The following MED12L variants were observed in gnomAD, a reference collection of about 807,000 sequenced individuals.
MED12L encodes the protein mediator complex subunit 12L, also known as mediator of RNA polymerase II transcription subunit 12-like protein.
A neutral mutation model predicts 281.3 loss-of-function variants in MED12L; 60 were observed. The observed-to-expected ratio is 0.21, with a 90% CI of 0.17 to 0.26. The LOEUF (loss-of-function observed/expected upper bound fraction) is 0.26, where lower values mean the gene tolerates loss of function less well. MED12L is among the 10% of genes least tolerant of loss of function. MED12L has a pLI of 1.00. For missense variants in MED12L, 2,146 were observed against 2,680.9 expected (o/e 0.80, Z 4.41); for synonymous variants, 974 against 987.2 (o/e 0.99, Z 0.25).
At chr3:151,202,717 G>T (rs1725805506) in intron 16 of MED12L, among the ~76,000 whole-genome samples, 1 of 152,074 alleles carries the variant, frequency 6.6e-6, no homozygotes, top group Non-Finnish European at 1.5e-5. Context: ...ATTTTCTATG[G>T]GAATCACAGT....
chr3:151,129,993 G>A (rs1201100318), intron 5 of MED12L, among the ~76,000 whole-genome samples: 2 of 151,900 alleles, frequency 1.3e-5, no homozygotes, highest in Non-Finnish European at 2.9e-5. Flanking sequence ...TTTTTGGAAT[G>A]CCTGGGCTCA....
chr3:151,133,657 T>C (rs1458177542), intron 5 of MED12L, among the ~76,000 whole-genome samples: 3 of 151,972 alleles, frequency 2.0e-5, no homozygotes, highest in Admixed American at 2.0e-4. Context: ...CATGAAATAG[T>C]TGATGTTGCT....
At chr3:151,428,992 T>C (rs1577632600) in intron 43 of MED12L, among the ~76,000 whole-genome samples, 1 of 152,018 alleles carries the variant, frequency 6.6e-6, no homozygotes. Context: ...GAGGAGGAAA[T>C]AGATGTTGCA....
Position 151,168,869 on chromosome 3 carries a change from C to G in MED12L, c.1494+2887C>G, listed in dbSNP as rs537314005. Reference sequence around the variant, plus strand: ...TATAGGTACATACTACTGTGTCCAGCTAATTTTTCTATTTGTAGTCAGGCT... The same window carrying G: ...TATAGGTACATACTACTGTGTCCAGGTAATTTTTCTATTTGTAGTCAGGCT... On this transcript the variant is annotated intron_variant, in intron 11 of 44. Coordinates refer to ENST00000687756, the MANE Select transcript of MED12L (RefSeq NM_001393769.1). Among the ~76,000 whole-genome samples the G allele has an allele frequency of 6.8e-4, 103 of 152,160 alleles. 1 individual carries two copies. The South Asian group carries it at 0.014, about 21-fold the overall frequency.
chr3:151,231,135 T>G (rs530488905), intron 16 of MED12L, among the ~76,000 whole-genome samples: 6 of 152,266 alleles, frequency 3.9e-5, no homozygotes, highest in Non-Finnish European at 5.9e-5. Flanking sequence ...TATGGTGATA[T>G]TAAAAGTACA....
chr3:151,142,344 G>A (rs1394942742), intron 5 of MED12L, among the ~76,000 whole-genome samples: 1 of 152,212 alleles, frequency 6.6e-6, no homozygotes, highest in Non-Finnish European at 1.5e-5. Flanking sequence ...AAAGCTCAAT[G>A]TTTAATGAGT....
chr3:151,290,230 T>C (rs1744063956), intron 16 of MED12L, among the ~76,000 whole-genome samples: 1 of 152,204 alleles, frequency 6.6e-6, no homozygotes, highest in African/African-American at 2.4e-5. Context: ...TTTACTTTTA[T>C]TAAAAATGTT....
chr3:151,375,104 G>A (rs567755677), intron 27 of MED12L, among the ~76,000 whole-genome samples: 2 of 152,348 alleles, frequency 1.3e-5, no homozygotes, highest in Admixed American at 6.5e-5. Flanking sequence ...AACTGTGAGT[G>A]CATATTGGAA....
rs186643823 is a variant in MED12L, at chr3:151,417,902, G to A, written c.6408+1480G>A. ...AACCTTCTTAAAGTAGAGGTAGTAT[G>A]TAAAACTGCACTGCCTGCCTACCTA... is the stretch of plus-strand genomic sequence containing the variant. On this transcript the variant is annotated intron_variant, in intron 43 of 44. Coordinates refer to ENST00000687756, the MANE Select transcript of MED12L (RefSeq NM_001393769.1). Among the ~76,000 whole-genome samples the A allele has an allele frequency of 3.1e-4, 47 of 152,316 alleles. No individual in the cohort carries two copies. The East Asian group carries it at 8.5e-3, about 27-fold the overall frequency.
At chr3:151,271,030 A>G (rs1264653561) in intron 16 of MED12L, among the ~76,000 whole-genome samples, 3 of 150,556 alleles carry the variant, frequency 2.0e-5, no homozygotes, top group African/African-American at 7.3e-5. Context: ...AAAAAAAAAA[A>G]TCCCCAAATT....
intron 4 of MED12L, among the ~76,000 whole-genome samples, chr3:151,123,949 C>A (rs1376065684): frequency 1.3e-5 from 2 of 152,188 alleles, no homozygotes; most frequent in Non-Finnish European, 2.9e-5. Context: ...GTGTAACAGT[C>A]AGCATAACCA....
intron 16 of MED12L, among the ~76,000 whole-genome samples, chr3:151,247,594 A>G (rs1268197639): frequency 4.4e-5 from 5 of 113,780 alleles, no homozygotes; most frequent in East Asian, 3.3e-4. Flanking sequence ...GGGGAATATC[A>G]CACTCCGGGG....
Position 151,389,876 on chromosome 3 carries a change from A to G in MED12L, c.5452-103A>G, listed in dbSNP as rs1389477082. ...TCCTTTATAAAAAACAGCTTTGTAC[A>G]TTGGGATAGGAGGTACCTCAGATAG... On this transcript the variant is annotated intron_variant, in intron 37 of 44. Coordinates refer to ENST00000687756, the MANE Select transcript of MED12L (RefSeq NM_001393769.1). 3.6e-6 allele frequency: 4 copies of G among 1,103,548 alleles called. No individual in the cohort carries two copies. The African/African-American group carries it at 4.7e-5, about 13-fold the overall frequency. 68.4% of individuals were successfully genotyped at this position (1,103,548 alleles called of 1,614,324 possible). A position where few individuals can be genotyped will look rare whatever the true frequency, so the allele number is the denominator to read the frequency against.
At chr3:151,421,504 G>A (rs962032201) in intron 43 of MED12L, among the ~76,000 whole-genome samples, 1 of 151,848 alleles carries the variant, frequency 6.6e-6, no homozygotes, top group East Asian at 1.9e-4. Flanking sequence ...TGCACCTCCC[G>A]AGTTCCAGCA....
chr3:151,121,913 T>C (rs6778796), intron 3 of MED12L, among the ~76,000 whole-genome samples: 46,014 of 151,456 alleles, frequency 0.3, 9,012 homozygotes, highest in African/African-American at 0.56. Flanking sequence ...GCGGTTTCAC[T>C]GTGTTGGCCA....
chr3:151,383,746 A>T (rs1319950063), intron 33 of MED12L, 33 bp from the exon 34 acceptor site: 13 of 1,408,482 alleles, frequency 9.2e-6, no homozygotes, highest in Non-Finnish European at 1.3e-5. Context: ...TGTTTTACAG[A>T]ATGCAAATAT....
intron 14 of MED12L, among the ~76,000 whole-genome samples, chr3:151,191,314 C>T (rs1485607814): frequency 6.6e-6 from 1 of 152,158 alleles, no homozygotes; most frequent in African/African-American, 2.4e-5. Context: ...CGTCTTTTCC[C>T]TAATGTATCA....
In MED12L at chr3:151,190,791, G is replaced by T. The variant is rs34501514; in HGVS notation, c.1828G>T (p.Asp610Tyr). Residue 610 changes from aspartate (D) to tyrosine (Y), a missense_variant, in exon 14 of 45, where the codon GAT (aspartate) becomes TAT (tyrosine). By Grantham distance (160) the Asp-to-Tyr change is radical. This residue lies in a region of MED12L where 722 missense variants were observed against 861.2 expected (regional missense o/e 0.84). Transcript: ENST00000687756. ...VLLFCEFIRH[D>Y]VFSHDAYMCT... Reference sequence around the variant, plus strand: ...GCTCTTCTGCGAGTTCATCCGCCATGATGTCTTCTCCCATGACGCATACAT... The same window carrying T: ...GCTCTTCTGCGAGTTCATCCGCCATTATGTCTTCTCCCATGACGCATACAT... 3.2e-3 allele frequency: 5,234 copies of T among 1,614,176 alleles called. 16 individuals carry two copies. Among genetic ancestry groups the T allele is most frequent in the African/African-American group, 0.013 (959 of 75,034 alleles).
chr3:151,268,979 A>G (rs1030502034), intron 16 of MED12L, among the ~76,000 whole-genome samples: 4 of 152,168 alleles, frequency 2.6e-5, no homozygotes, highest in African/African-American at 9.7e-5. Flanking sequence ...TGGTTCTTGA[A>G]CTTTCCTAGC....
Sources: allele counts gnomAD v4.1 joint callset (sites outside exome capture counted in the v4.1 genomes callset), GRCh38; gene constraint gnomAD v4.1.1; regional missense constraint gnomAD v4.1.1; transcripts MANE v1.5; gene names NCBI Gene and HGNC (gene_info 2026-07-23, HGNC 2026-07-21).